DAW1: variants seen among roughly 807,000 people sequenced by gnomAD.
DAW1 encodes dynein assembly factor with WD repeat domains 1.
Under a neutral mutation model 56.5 loss-of-function variants are expected in DAW1, and 47 were observed. The ratio of observed to expected loss-of-function variants is 0.83; its 90% CI spans 0.66 to 1.06. The LOEUF (loss-of-function observed/expected upper bound fraction) is 1.06, where lower values mean the gene tolerates loss of function less well. Ranked by LOEUF, DAW1 falls within the 50% of genes least tolerant of loss-of-function variation. The pLI is 0.00. For missense variants in DAW1, 505 were observed against 499.3 expected, an observed-to-expected ratio of 1.01 and a Z score of -0.11; for synonymous variants, 190 against 179.0, an observed-to-expected ratio of 1.06 and a Z score of -0.49.
intron 1 of DAW1, among the ~76,000 whole-genome samples, chr2:227,875,185 A>G (rs1240558092): frequency 2.0e-5 from 3 of 152,064 alleles, no homozygotes; most frequent in African/African-American, 7.2e-5. Context: ...TCATCTCCAC[A>G]TCCACTAACA....
At chr2:227,918,997 C>G (rs762097094) in intron 11 of DAW1, 141 bp downstream of exon 11, 18 of 840,848 alleles carry the variant, frequency 2.1e-5, no homozygotes, top group Non-Finnish European at 2.8e-5. Context: ...GAGTTCAAGA[C>G]CAGCCTGGGC....
At chr2:227,900,261 A>G (rs1574659705) in intron 6 of DAW1, among the ~76,000 whole-genome samples, 2 of 152,208 alleles carry the variant, frequency 1.3e-5, no homozygotes, top group East Asian at 3.9e-4. Context: ...GTGTGTCCTT[A>G]GAGTGTGACC....
At chr2:227,919,846 A>T (rs2106218037) in intron 11 of DAW1, among the ~76,000 whole-genome samples, 1 of 152,210 alleles carries the variant, frequency 6.6e-6, no homozygotes, top group South Asian at 2.1e-4. Context: ...TATCAGCTTG[A>T]TGATTTTAGG....
chr2:227,906,133 C>A, intron 8 of DAW1, 103 bp from the exon 9 acceptor site: 2 of 789,032 alleles, frequency 2.5e-6, no homozygotes, highest in South Asian at 2.8e-5. Flanking sequence ...TTGTAAAAAC[C>A]AGATTTTAGA....
chr2:227,914,371 T>C (rs1432297130), intron 10 of DAW1, among the ~76,000 whole-genome samples: 1 of 152,062 alleles, frequency 6.6e-6, no homozygotes, highest in Non-Finnish European at 1.5e-5. Flanking sequence ...TGCTATACTA[T>C]GTATACCAAA....
At chr2:227,898,838 A>C (rs1691472450) in intron 6 of DAW1, among the ~76,000 whole-genome samples, 1 of 152,206 alleles carries the variant, frequency 6.6e-6, no homozygotes, top group South Asian at 2.1e-4. Context: ...TAATATGATA[A>C]ATTTATAAAT....
At chr2:227,922,001 G>C (rs1202074416) in intron 12 of DAW1, among the ~76,000 whole-genome samples, 1 of 152,142 alleles carries the variant, frequency 6.6e-6, no homozygotes. Flanking sequence ...AAAAAATAGA[G>C]CATTAGCTGG....
chr2:227,887,061 A>T (rs1304521907), intron 2 of DAW1, among the ~76,000 whole-genome samples: 2 of 152,180 alleles, frequency 1.3e-5, no homozygotes, highest in African/African-American at 4.8e-5. Flanking sequence ...AGTTGCTGCC[A>T]CTTGAGAGGT....
chr2:227,912,120 C>T, intron 10 of DAW1: 1 of 360,782 alleles, frequency 2.8e-6, no homozygotes. Flanking sequence ...CCATACTATA[C>T]TGACTTATGT....
chr2:227,901,220 A>G (rs1691536958), intron 6 of DAW1, among the ~76,000 whole-genome samples: 1 of 152,222 alleles, frequency 6.6e-6, no homozygotes, highest in Non-Finnish European at 1.5e-5. Context: ...TATGAGGCAT[A>G]AAAGAAAAGG....
chr2:227,881,743 CTTTTTTTT>C (rs541800966), intron 1 of DAW1, among the ~76,000 whole-genome samples: 2 of 78,644 alleles, frequency 2.5e-5, no homozygotes, highest in African/African-American at 9.8e-5. Flanking sequence ...CTGCCACATT[CTTTTTTTT>C]TTTTTTTTTT....
chr2:227,923,831 A>G, intron 12 of DAW1, 103 bp from the exon 13 acceptor site: 1 of 1,390,210 alleles, frequency 7.2e-7, no homozygotes. Flanking sequence ...CCATTTAGCA[A>G]GTTGTTAATT....
intron 4 of DAW1, among the ~76,000 whole-genome samples, chr2:227,891,667 A>G (rs1159760773): frequency 6.6e-6 from 1 of 152,186 alleles, no homozygotes; most frequent in African/African-American, 2.4e-5. Flanking sequence ...GGTATGGCAA[A>G]CAGCAGCTTC....
At chr2:227,898,472 C>T (rs1387580389) in intron 6 of DAW1, among the ~76,000 whole-genome samples, 191 bp downstream of exon 6, 2 of 151,994 alleles carry the variant, frequency 1.3e-5, no homozygotes, top group Non-Finnish European at 2.9e-5. Flanking sequence ...GGGCGCCCGC[C>T]ACCACGCCCC....
chr2:227,889,949 G>T lies in DAW1; in HGVS notation c.207G>T (p.Arg69Ser). The T allele has an allele frequency of 3.1e-6, 5 of 1,602,876 alleles. No individual in the cohort carries two copies. In the Middle Eastern group the frequency reaches 6.6e-4, roughly 212 times the overall value. The part of the protein sequence containing the change: ...RTEQVKLLIQ[R>S]LQEKLGQNSN... Reference sequence around the variant, plus strand: ...AGCAAGTCAAACTTTTGATACAGAGGTTGCAAGAGAAACTCGGCCAGAACA... The same window carrying T: ...AGCAAGTCAAACTTTTGATACAGAGTTTGCAAGAGAAACTCGGCCAGAACA... Residue 69 changes from arginine to serine, a missense_variant, in exon 3 of 13, where the codon AGG (arginine) becomes AGT (serine). By Grantham distance (110) the Arg-to-Ser change is moderately radical. Coordinates refer to ENST00000309931, the MANE Select transcript of DAW1 (RefSeq NM_178821.3).
At chr2:227,886,781 G>C (rs1691140764) in intron 2 of DAW1, among the ~76,000 whole-genome samples, 1 of 149,272 alleles carries the variant, frequency 6.7e-6, no homozygotes. Flanking sequence ...GCAAGACTCT[G>C]TCTTTGTAAA....
chr2:227,876,222 G>T (rs976837498), intron 1 of DAW1, among the ~76,000 whole-genome samples: 1 of 152,140 alleles, frequency 6.6e-6, no homozygotes, highest in Non-Finnish European at 1.5e-5. Context: ...GGGTTTCACC[G>T]TGTTAGCCAG....
At chr2:227,923,229 G>T (rs1692150080) in intron 12 of DAW1, among the ~76,000 whole-genome samples, 1 of 152,184 alleles carries the variant, frequency 6.6e-6, no homozygotes, top group African/African-American at 2.4e-5. Flanking sequence ...TTATTTGAAA[G>T]AATCTACTCT....
rs922675951 is a variant in DAW1, at chr2:227,889,990, A to G, written c.248A>G (p.Tyr83Cys). ...GGCCAGAACAGCAATCACACGTTCT[A>G]TCTTTTTAAGGTAATGGATTTAAAA... Reference protein sequence around the residue: ...KLGQNSNHTFYLFKVLKAHIL... With the variant: ...KLGQNSNHTFCLFKVLKAHIL... Residue 83 changes from tyrosine (Y) to cysteine (C), a missense_variant, in exon 3 of 13, where the codon TAT (tyrosine) becomes TGT (cysteine). Coordinates refer to ENST00000309931, the MANE Select transcript of DAW1 (RefSeq NM_178821.3). 10 of 1,586,210 alleles carry G rather than the reference A, an allele frequency of 6.3e-6. No homozygotes were observed. In the African/African-American group the frequency reaches 8.2e-5, roughly 13 times the overall value.
Sources: allele counts gnomAD v4.1 joint callset (sites outside exome capture counted in the v4.1 genomes callset), GRCh38; gene constraint gnomAD v4.1.1; transcripts MANE v1.5; gene names NCBI Gene and HGNC (gene_info 2026-07-23, HGNC 2026-07-21).